The following PCDHGA8 variants were observed in gnomAD, a reference collection of about 807,000 sequenced individuals.
PCDHGA8 encodes protocadherin gamma subfamily A, 8, also known as protocadherin gamma-A8.
PCDHGA8 carries 45 observed loss-of-function variants against 59.2 expected under a neutral mutation model. The observed-to-expected ratio is 0.76, with a 90% CI of 0.60 to 0.98. The LOEUF (loss-of-function observed/expected upper bound fraction) is 0.98. Among genes scored for constraint, PCDHGA8 ranks in the 50% least tolerant of loss-of-function variants. PCDHGA8 has a pLI of 0.00. For missense variants in PCDHGA8, 1,257 were observed against 1,196.2 expected, an observed-to-expected ratio of 1.05 and a Z score of -0.75; for synonymous variants, 531 against 519.0, an observed-to-expected ratio of 1.02 and a Z score of -0.32.
rs1452737362 is a variant in PCDHGA8, at chr5:141,432,324, A to G, written c.2424+37087A>G. On this transcript the variant is annotated intron_variant, in intron 1 of 3. Transcript: ENST00000398604. The surrounding 1 kb of genome is among the most constrained non-coding windows in gnomAD (Gnocchi z 6.0). ...CTGTATGCGCTGAGCTCCTTCGACTACGAGCAGTTCCGAGACTTGCAAGTG... is the reference window on the plus strand; with the variant it reads ...CTGTATGCGCTGAGCTCCTTCGACTGCGAGCAGTTCCGAGACTTGCAAGTG... 3 of 1,614,058 alleles carry G rather than the reference A, an allele frequency of 1.9e-6. No homozygotes were observed. The highest frequency in any genetic ancestry group is 2.7e-5 in the African/African-American group (2 of 74,910).
In PCDHGA8 at chr5:141,486,819, T is replaced by TG; in HGVS notation, c.2425-7988_2425-7987insG. 6.2e-7 allele frequency: 1 copy of TG among 1,614,212 alleles called. No homozygotes were observed. Among genetic ancestry groups the TG allele is most frequent in the Non-Finnish European group, 8.5e-7 (1 of 1,180,034 alleles). On this transcript the variant is annotated intron_variant, in intron 1 of 3. Coordinates refer to ENST00000398604, the MANE Select transcript of PCDHGA8 (RefSeq NM_032088.2). The surrounding 1 kb of genome is among the most constrained non-coding windows in gnomAD (Gnocchi z 5.0). ...GGCAACCCACCCCTTAGCAGCACTG[T>TG]AACAGTTCGTCTATTTGTGCTGGAC...
chr5:141,428,251 T>G, intron 1 of PCDHGA8: 2 of 893,496 alleles, frequency 2.2e-6, no homozygotes, highest in Non-Finnish European at 3.6e-6. Context: ...ACTGCCAGAC[T>G]TCAGTGACAG....
intron 1 of PCDHGA8, among the ~76,000 whole-genome samples, chr5:141,480,911 G>A (rs2154578422): frequency 6.6e-6 from 1 of 152,218 alleles, no homozygotes; most frequent in East Asian, 1.9e-4. Flanking sequence ...TGGGCATGGT[G>A]GCGCATACCT....
At chr5:141,430,653 A>G (rs2097300223) in intron 1 of PCDHGA8, 4 of 1,073,410 alleles carry the variant, frequency 3.7e-6, no homozygotes, top group Middle Eastern at 2.4e-4. Context: ...TGTGGAAACA[A>G]CGGAGGAGCT....
rs1373678836 is a variant in PCDHGA8, at chr5:141,477,459, C to T, written c.2425-17348C>T. 6.2e-7 allele frequency: 1 copy of T among 1,614,186 alleles called. No homozygotes were observed. The highest frequency in any genetic ancestry group is 8.5e-7 in the Non-Finnish European group (1 of 1,180,034). On this transcript the variant is annotated intron_variant, in intron 1 of 3. Coordinates refer to ENST00000398604, the MANE Select transcript of PCDHGA8 (RefSeq NM_032088.2). This position sits in a 1 kb window ranked among gnomAD's most constrained non-coding sequence, Gnocchi z 4.9. ...CTTACAATAGTGCGTGTTCAAGTGTCCGACATCAATGACAACCCTCCACAA... is the reference window on the plus strand; with the variant it reads ...CTTACAATAGTGCGTGTTCAAGTGTTCGACATCAATGACAACCCTCCACAA...
rs547284271 is a variant in PCDHGA8 at position 141,489,064 on chromosome 5, C to G, written c.2425-5743C>G. On this transcript the variant is annotated intron_variant, in intron 1 of 3. Coordinates refer to ENST00000398604, the MANE Select transcript of PCDHGA8 (RefSeq NM_032088.2). This position sits in a 1 kb window ranked among gnomAD's most constrained non-coding sequence, Gnocchi z 4.5. ...TCCACTCAAATTCAGCTCCCCTCCC[C>G]CCTGCCCACCCCCGCCACTCGGTGA... 1.9e-4 allele frequency: 74 copies of G among 387,742 alleles called. No homozygotes were observed. The highest frequency in any genetic ancestry group is 1.5e-3 in the African/African-American group (70 of 47,296). The allele number at this position is 387,742 out of a possible 1,614,324, so 24.0% of individuals were successfully genotyped here. A position where few individuals can be genotyped will look rare whatever the true frequency, so the allele number is the denominator to read the frequency against.
intron 2 of PCDHGA8, among the ~76,000 whole-genome samples, chr5:141,495,663 G>T (rs756466649): frequency 6.6e-6 from 1 of 152,050 alleles, no homozygotes; most frequent in African/African-American, 2.4e-5. Context: ...GATCTGTGCC[G>T]CCCACTGTGC....
At chr5:141,428,754 T>C (rs932377392) in intron 1 of PCDHGA8, 7 of 154,708 alleles carry the variant, frequency 4.5e-5, no homozygotes, top group African/African-American at 1.4e-4. Context: ...TTGCTTCAGG[T>C]TTGTTTGCCC....
intron 1 of PCDHGA8, chr5:141,409,747 C>T (rs771456718): frequency 1.2e-6 from 2 of 1,612,994 alleles, no homozygotes; most frequent in East Asian, 2.2e-5. Flanking sequence ...GGGTGGTGTT[C>T]GCGCAGCGCG....
intron 2 of PCDHGA8, among the ~76,000 whole-genome samples, chr5:141,501,258 T>G (rs2099806611): frequency 1.3e-5 from 2 of 150,950 alleles, no homozygotes; most frequent in South Asian, 4.2e-4. Flanking sequence ...GGGAGTATTT[T>G]ATTATAGTCC....
At chr5:141,427,132 G>T (rs755992698) in intron 1 of PCDHGA8, 1 of 457,106 alleles carries the variant, frequency 2.2e-6, no homozygotes, top group Non-Finnish European at 4.4e-6. Context: ...AAATCCCTAC[G>T]AGATGATATT....
In PCDHGA8 at chr5:141,486,288, T is replaced by G. The variant is rs1181533037; in HGVS notation, c.2425-8519T>G. ...GAACCTGGCACTGTGGTGGCACTTA[T>G]CAGTGTGCAGGATCCAGACTCAGGG... On this transcript the variant is annotated intron_variant, in intron 1 of 3. Transcript: ENST00000398604. This position sits in a 1 kb window ranked among gnomAD's most constrained non-coding sequence, Gnocchi z 5.0. The G allele has an allele frequency of 6.2e-7, 1 of 1,613,996 alleles. No individual in the cohort carries two copies. The highest frequency in any genetic ancestry group is 1.7e-5 in the Admixed American group (1 of 60,000).
At chr5:141,507,676 A>G (rs2099862523) in intron 3 of PCDHGA8, among the ~76,000 whole-genome samples, 1 of 152,252 alleles carries the variant, frequency 6.6e-6, no homozygotes, top group African/African-American at 2.4e-5. Flanking sequence ...TCCAGATGTT[A>G]AAAACAGAAA....
chr5:141,460,377 T>C (rs1592666836), intron 1 of PCDHGA8, among the ~76,000 whole-genome samples: 1 of 152,342 alleles, frequency 6.6e-6, no homozygotes, highest in Non-Finnish European at 1.5e-5. Flanking sequence ...AGTTTTACCA[T>C]TTATAATTTG....
Position 141,432,331 on chromosome 5 carries a change from G to A in PCDHGA8, c.2424+37094G>A, listed in dbSNP as rs763952193. Reference sequence around the variant, plus strand: ...CGCTGAGCTCCTTCGACTACGAGCAGTTCCGAGACTTGCAAGTGAAAGTGA... The same window carrying A: ...CGCTGAGCTCCTTCGACTACGAGCAATTCCGAGACTTGCAAGTGAAAGTGA... On this transcript the variant is annotated intron_variant, in intron 1 of 3. Transcript: ENST00000398604. The surrounding 1 kb of genome is among the most constrained non-coding windows in gnomAD (Gnocchi z 6.0). The A allele has an allele frequency of 1.2e-6, 2 of 1,614,278 alleles. No individual in the cohort carries two copies. Among genetic ancestry groups the A allele is most frequent in the East Asian group, 2.2e-5 (1 of 44,888 alleles).
chr5:141,443,827 G>A (rs1425599112), intron 1 of PCDHGA8, among the ~76,000 whole-genome samples: 1 of 152,054 alleles, frequency 6.6e-6, no homozygotes, highest in African/African-American at 2.4e-5. Context: ...ACATAATTAG[G>A]TAAAATGGGT....
chr5:141,421,222 C>G, intron 1 of PCDHGA8: 2 of 1,576,946 alleles, frequency 1.3e-6, no homozygotes, highest in Non-Finnish European at 1.7e-6. Flanking sequence ...CGGCTTAGAG[C>G]CTGCCATGGC....
intron 1 of PCDHGA8, chr5:141,428,109 G>A: frequency 1.2e-6 from 2 of 1,607,850 alleles, no homozygotes; most frequent in Non-Finnish European, 1.7e-6. Context: ...CGTGCTGCAG[G>A]CCATCGAGCC....
At chr5:141,397,887 G>C in intron 1 of PCDHGA8, 1 of 617,602 alleles carries the variant, frequency 1.6e-6, no homozygotes, top group South Asian at 2.4e-5. Flanking sequence ...GCCGCTGTTG[G>C]CCAAAGTGCA....
Sources: allele counts gnomAD v4.1 joint callset (sites outside exome capture counted in the v4.1 genomes callset), GRCh38; gene constraint gnomAD v4.1.1; non-coding constraint Gnocchi (gnomAD v3.1); transcripts MANE v1.5; gene names NCBI Gene and HGNC (gene_info 2026-07-23, HGNC 2026-07-21).